The following RSRP1 variants were observed in gnomAD, a reference collection of about 807,000 sequenced individuals.
RSRP1 encodes the protein arginine/serine-rich protein 1.
Under a neutral mutation model 33.0 loss-of-function variants are expected in RSRP1, and 37 were observed. That is an observed-to-expected ratio of 1.12 (90% CI 0.86 to 1.48). RSRP1 has a LOEUF of 1.48. Among genes scored for constraint, RSRP1 ranks in the 40% most tolerant of loss-of-function variants. The pLI is 0.00. For missense variants in RSRP1, 402 were observed against 385.3 expected (o/e 1.04, Z -0.36); for synonymous variants, 167 against 158.7 (o/e 1.05, Z -0.40).
chr1:25,282,225 T>C (rs1641549096), intron 1 of RSRP1, among the ~76,000 whole-genome samples: 1 of 132,446 alleles, frequency 7.6e-6, no homozygotes, highest in Admixed American at 7.4e-5. Flanking sequence ...CATAAATTGA[T>C]ATTTCATTTT....
intron 3 of RSRP1, 22 bp from the exon 4 acceptor site, chr1:25,243,655 G>C: frequency 6.2e-7 from 1 of 1,611,964 alleles, no homozygotes; most frequent in Non-Finnish European, 8.5e-7. Context: ...AAGAAAAAGT[G>C]TAATTTTAAA....
In RSRP1 at chr1:25,272,108, G is replaced by T. The variant is rs1228551794; in HGVS notation, c.-66-25079C>A. 4.0e-5 allele frequency among the ~76,000 whole-genome samples: 5 copies of T among 123,842 alleles called. 1 individual carries two copies. The highest frequency in any genetic ancestry group is 5.7e-5 in the Non-Finnish European group (3 of 52,182). 81.2% of individuals were successfully genotyped at this position (123,842 alleles called of 152,430 possible). A position where few individuals can be genotyped will look rare whatever the true frequency, so the allele number is the denominator to read the frequency against. ...GCTCACTGGGTGCCCTCTCTGTCAT[G>T]TAGTAAGGTTTTAAAAAGAAAGCCT... On this transcript the variant is annotated intron_variant, in intron 1 of 1. Coordinates refer to the RSRP1 transcript ENST00000561867.
chr1:25,284,592 G>A (rs2124621663), intron 1 of RSRP1: 2 of 1,389,380 alleles, frequency 1.4e-6, no homozygotes, highest in South Asian at 2.3e-5. Flanking sequence ...ATCTGACCGT[G>A]ATGGCGGCCA....
intron 1 of RSRP1, chr1:25,267,790 C>A (rs1361874191): frequency 7.6e-6 from 1 of 131,454 alleles, no homozygotes; most frequent in Non-Finnish European, 1.8e-5. Context: ...TTAGAACGCT[C>A]AGCACACAGA....
At position 25,246,974 on chromosome 1, in the gene RSRP1, G is replaced by A; in HGVS notation, c.-11C>T. On this transcript the variant is annotated 5_prime_UTR_variant, in exon 2 of 5. Transcript: ENST00000243189. ...CACGTAGTTGGACATCTTCACCTGC[G>A]GCTTTAGCCTGCGCTTTCTCCGGAA... 1 of 1,548,732 alleles carries A rather than the reference G, an allele frequency of 6.5e-7. No homozygotes were observed. Among genetic ancestry groups the A allele is most frequent in the Non-Finnish European group, 8.7e-7 (1 of 1,145,206 alleles).
rs1232882182 is a variant in RSRP1, at chr1:25,292,095, T to A, written c.-66-45066A>T. ...CTTAGAGCTTTAGTTTCTTCATCTG[T>A]AATATGAGGGTAGCAGTACTACCAC... On this transcript the variant is annotated intron_variant, in intron 1 of 1. Coordinates refer to the RSRP1 transcript ENST00000561867. Among the ~76,000 whole-genome samples the A allele has an allele frequency of 3.0e-5, 4 of 132,536 alleles. 1 individual carries two copies. Among genetic ancestry groups the A allele is most frequent in the Non-Finnish European group, 7.2e-5 (4 of 55,878 alleles). 86.9% of individuals were successfully genotyped at this position (132,536 alleles called of 152,430 possible).
chr1:25,245,302 C>CT lies in RSRP1; in HGVS notation c.521-2dup. On this transcript the variant is annotated splice_acceptor_variant, in intron 2 of 4. Coordinates refer to ENST00000243189, the MANE Select transcript of RSRP1 (RefSeq NM_020317.5). LOFTEE classifies it high-confidence loss of function. ...GCTATTTCTAACAGCTCCATTCGAT[C>CT]TAAAAAAAAAAGAGAGAGATTTTAA... 1.3e-6 allele frequency: 2 copies of CT among 1,591,096 alleles called. No individual in the cohort carries two copies. Among genetic ancestry groups the CT allele is most frequent in the Non-Finnish European group, 1.7e-6 (2 of 1,171,512 alleles).
upstream of RSRP1, chr1:25,248,348 CCTTT>C (rs1266595159): frequency 8.6e-5 from 10 of 116,748 alleles, no homozygotes; most frequent in African/African-American, 2.3e-4. Flanking sequence ...GGGTTAATTG[CCTTT>C]TTTTTTTTTT....
chr1:25,299,948 C>A (rs1338722312), intron 1 of RSRP1, among the ~76,000 whole-genome samples: 1 of 130,532 alleles, frequency 7.7e-6, no homozygotes, highest in Non-Finnish European at 1.8e-5. Flanking sequence ...CAGGGTTTTG[C>A]CATGTTGGCC....
At chr1:25,247,120 G>A (rs1360188675) in intron 1 of RSRP1, 91 bp from the exon 2 acceptor site, 14 of 818,812 alleles carry the variant, frequency 1.7e-5, no homozygotes, top group Admixed American at 3.5e-5. Flanking sequence ...CCGGGAGGCG[G>A]AGCCACGGCG....
chr1:25,330,953 C>CTTTTTTTTTTTT (rs71014353), intron 1 of RSRP1, among the ~76,000 whole-genome samples: 3 of 34,730 alleles, frequency 8.6e-5, no homozygotes, highest in African/African-American at 2.9e-4. Context: ...TGTCATCTTC[C>CTTTTTTTTTTTT]TTTTTTTTTT....
rs1160682374 is a variant in RSRP1, at chr1:25,244,281, T to TTA, written c.673-650_673-649dup. On this transcript the variant is annotated intron_variant, in intron 3 of 4. Coordinates refer to ENST00000243189, the MANE Select transcript of RSRP1 (RefSeq NM_020317.5). ...CATCTTTTTCACAGATGCCCCACCG[T>TTA]TACAACGTGTACCTTTGCTTAGTTT... The TTA allele has an allele frequency of 7.0e-6, 9 of 1,288,866 alleles. No individual in the cohort carries two copies. In the African/African-American group the frequency reaches 1.2e-4, roughly 17 times the overall value. The allele number at this position is 1,288,866 out of a possible 1,614,324, so 79.8% of individuals were successfully genotyped here.
intron 1 of RSRP1, chr1:25,300,939 A>C: frequency 1.5e-6 from 2 of 1,377,742 alleles, no homozygotes; most frequent in Non-Finnish European, 2.0e-6. Context: ...ACTGGGTTTT[A>C]TTGCAGACAG....
At position 25,311,481 on chromosome 1, in the gene RSRP1, C is replaced by T. The variant is rs183819586; in HGVS notation, c.-67+26497G>A. On this transcript the variant is annotated intron_variant, in intron 1 of 1. Coordinates refer to the RSRP1 transcript ENST00000561867. Reference sequence around the variant, plus strand: ...CAGAGCTTGCAGTGAGCCAAGATCGCGCCACTGCACTCCAGCCTGGGCGAC... The same window carrying T: ...CAGAGCTTGCAGTGAGCCAAGATCGTGCCACTGCACTCCAGCCTGGGCGAC... Among the ~76,000 whole-genome samples, 229 of 128,618 alleles carry T rather than the reference C, an allele frequency of 1.8e-3. 51 individuals carry two copies. The highest frequency in any genetic ancestry group is 5.0e-4 in the Non-Finnish European group (27 of 54,382). 84.4% of individuals were successfully genotyped at this position (128,618 alleles called of 152,430 possible).
intron 1 of RSRP1, chr1:25,329,049 A>C: frequency 7.3e-7 from 1 of 1,371,686 alleles, no homozygotes; most frequent in African/African-American, 1.4e-5. Context: ...CAGGCACTGG[A>C]GTCAGAGAAA....
chr1:25,243,471 CCACAAAGATAAAAA>C, intron 4 of RSRP1, 65 bp downstream of exon 4: 1 of 1,549,408 alleles, frequency 6.5e-7, no homozygotes, highest in Non-Finnish European at 8.8e-7. Context: ...CCAACTATCA[CCACAAAGATAAAAA>C]CACAAAGATG....
At chr1:25,298,543 C>A (rs1643123400) in intron 1 of RSRP1, among the ~76,000 whole-genome samples, 1 of 130,966 alleles carries the variant, frequency 7.6e-6, no homozygotes, top group African/African-American at 2.6e-5. Flanking sequence ...CCAAGAATCC[C>A]CAAGTGTTCT....
intron 1 of RSRP1, among the ~76,000 whole-genome samples, chr1:25,302,975 C>T (rs1643503453): frequency 7.7e-6 from 1 of 130,484 alleles, no homozygotes; most frequent in Non-Finnish European, 1.8e-5. Context: ...AAGACCCTGT[C>T]TCTAAAAAAT....
At chr1:25,290,807 G>A in intron 1 of RSRP1, 1 of 1,375,840 alleles carries the variant, frequency 7.3e-7, no homozygotes, top group Non-Finnish European at 1.0e-6. Flanking sequence ...TCATGGTGCT[G>A]GGAGGAGGGA....
Sources: gnomAD v4.1 joint callset for allele counts (sites outside exome capture counted in the v4.1 genomes callset) on GRCh38, gnomAD v4.1.1 for gene constraint, MANE v1.5 for transcripts, NCBI Gene and HGNC (gene_info 2026-07-23, HGNC 2026-07-21) for gene names.